Variants in ADAMTS20 observed in about 807,000 individuals in gnomAD.
ADAMTS20 encodes A disintegrin and metalloproteinase with thrombospondin motifs 20.
Under a neutral mutation model 260.1 loss-of-function variants are expected in ADAMTS20, and 225 were observed. The observed-to-expected ratio is 0.87, with a 90% CI of 0.78 to 0.97. The LOEUF (loss-of-function observed/expected upper bound fraction) is 0.97. Ranked by LOEUF, ADAMTS20 falls within the 50% of genes least tolerant of loss-of-function variation. The pLI is 0.00. For synonymous variants in ADAMTS20, 802 were observed against 769.5 expected, an observed-to-expected ratio of 1.04 and a Z score of -0.70; for missense variants, 2,400 against 2,337.7, an observed-to-expected ratio of 1.03 and a Z score of -0.55.
intron 7 of ADAMTS20, among the ~76,000 whole-genome samples, chr12:43,485,190 A>G (rs1942505077): frequency 6.6e-6 from 1 of 152,004 alleles, no homozygotes; most frequent in South Asian, 2.1e-4. Flanking sequence ...ACAAAATACT[A>G]GCAAACTGAA....
chr12:43,401,642 C>G (rs542881071), intron 28 of ADAMTS20, among the ~76,000 whole-genome samples: 117 of 151,844 alleles, frequency 7.7e-4, no homozygotes, highest in African/African-American at 2.8e-3. Context: ...TAACTTATTA[C>G]TAGTCTAATC....
chr12:43,526,758 T>C (rs1396864011), intron 3 of ADAMTS20, among the ~76,000 whole-genome samples: 1 of 152,048 alleles, frequency 6.6e-6, no homozygotes, highest in African/African-American at 2.4e-5. Flanking sequence ...GTTAACAATC[T>C]AATATACACC....
intron 18 of ADAMTS20, among the ~76,000 whole-genome samples, chr12:43,435,269 G>T (rs1941528890): frequency 1.3e-5 from 2 of 152,150 alleles, no homozygotes; most frequent in South Asian, 4.1e-4. Context: ...GAGGAGAATG[G>T]CAGAGGGAAG....
At chr12:43,543,147 A>C (rs1342437493) in intron 2 of ADAMTS20, among the ~76,000 whole-genome samples, 1 of 151,930 alleles carries the variant, frequency 6.6e-6, no homozygotes, top group South Asian at 2.1e-4. Context: ...TGAAAATTTT[A>C]AAAAAGAAAA....
intron 2 of ADAMTS20, among the ~76,000 whole-genome samples, chr12:43,538,953 C>CTTT (rs36106874): frequency 2.6e-5 from 3 of 117,554 alleles, no homozygotes; most frequent in Non-Finnish European, 3.5e-5. Context: ...TATGAACATT[C>CTTT]TTTTTTTTTT....
intron 3 of ADAMTS20, among the ~76,000 whole-genome samples, chr12:43,526,622 A>G (rs1437395151): frequency 1.3e-5 from 2 of 152,226 alleles, no homozygotes; most frequent in African/African-American, 4.8e-5. Flanking sequence ...GGAAATTCAT[A>G]AACTATTTAA....
chr12:43,377,435 G>A lies in ADAMTS20; in HGVS notation c.4925C>T (p.Ser1642Phe), dbSNP rs1326327348. 6.2e-7 allele frequency: 1 copy of A among 1,613,556 alleles called. No individual in the cohort carries two copies. Among genetic ancestry groups the A allele is most frequent in the Admixed American group, 1.7e-5 (1 of 59,936 alleles). Residue 1642 changes from serine (S) to phenylalanine (F), a missense_variant, in exon 32 of 39, where the codon TCC becomes TTC. Physicochemically the swap from Ser to Phe is radical, Grantham distance 155. Coordinates refer to ENST00000389420, the MANE Select transcript of ADAMTS20 (RefSeq NM_025003.5). ...IVYQECPVVPSSQVYQCINSC... is the reference protein window; with the variant it reads ...IVYQECPVVPFSQVYQCINSC... ...GTTAATGCATTGGTAAACCTGAGAG[G>A]AAGGCACCACAGGGCATTCTTGATA... is the stretch of plus-strand genomic sequence containing the variant.
chr12:43,440,142 T>A (rs928120552), intron 16 of ADAMTS20, 73 bp from the exon 17 acceptor site: 50 of 361,972 alleles, frequency 1.4e-4, no homozygotes, highest in Non-Finnish European at 1.7e-4. Flanking sequence ...TGTTTAACTT[T>A]TTTTTTTTTT....
chr12:43,384,400 T>A (rs1335613385), intron 29 of ADAMTS20, among the ~76,000 whole-genome samples: 2 of 152,212 alleles, frequency 1.3e-5, no homozygotes, highest in African/African-American at 4.8e-5. Context: ...GTTATATTCA[T>A]CTTTTTATCT....
intron 14 of ADAMTS20, among the ~76,000 whole-genome samples, chr12:43,449,179 G>A (rs928860977): frequency 3.3e-5 from 5 of 152,136 alleles, no homozygotes; most frequent in African/African-American, 1.2e-4. Flanking sequence ...AAAGACACAT[G>A]CAGGTGTATG....
chr12:43,492,346 C>T (rs939172385), intron 6 of ADAMTS20, among the ~76,000 whole-genome samples, 159 bp downstream of exon 6: 3 of 150,758 alleles, frequency 2.0e-5, no homozygotes, highest in African/African-American at 7.3e-5. Flanking sequence ...CGCCACTGCA[C>T]TCCACCCTGG....
Position 43,375,477 on chromosome 12 carries a change from C to CAA in ADAMTS20, c.5347_5348insTT (p.Ser1783IlefsTer14). 1.2e-6 allele frequency: 2 copies of CAA among 1,613,134 alleles called. No homozygotes were observed. Among genetic ancestry groups the CAA allele is most frequent in the Non-Finnish European group, 1.7e-6 (2 of 1,179,238 alleles). On this transcript the variant is annotated frameshift_variant, in exon 36 of 39. Transcript: ENST00000389420. LOFTEE classifies it high-confidence loss of function. ...GTCACATTCACAGTCTTCCCTTCTACTCCCATTAAAAGGACATTGATATGG... is the reference window on the plus strand; with the variant it reads ...GTCACATTCACAGTCTTCCCTTCTACAATCCCATTAAAAGGACATTGATATGG...
intron 11 of ADAMTS20, among the ~76,000 whole-genome samples, chr12:43,459,718 T>C (rs1346952131): frequency 6.6e-6 from 1 of 152,148 alleles, no homozygotes; most frequent in African/African-American, 2.4e-5. Flanking sequence ...GCAGTAAAAA[T>C]GCTTTGTGCT....
intron 28 of ADAMTS20, chr12:43,422,894 CA>C (rs1941261970): frequency 6.6e-6 from 1 of 151,654 alleles, no homozygotes; most frequent in Non-Finnish European, 1.5e-5. Context: ...AATTTACATA[CA>C]AAAAATAGCA....
At position 43,475,571 on chromosome 12, in the gene ADAMTS20, T is replaced by C. The variant is rs187653685; in HGVS notation, c.1118-6866A>G. On this transcript the variant is annotated intron_variant, in intron 7 of 38. Coordinates refer to ENST00000389420, the MANE Select transcript of ADAMTS20 (RefSeq NM_025003.5). Reference sequence around the variant, plus strand: ...CAAAAGAACAAAGCTGGAGGCATCATCACACTACCTGACTTCAAACCATAC... The same window carrying C: ...CAAAAGAACAAAGCTGGAGGCATCACCACACTACCTGACTTCAAACCATAC... Among the ~76,000 whole-genome samples the C allele has an allele frequency of 1.3e-3, 193 of 152,204 alleles. 1 individual carries two copies. The highest frequency in any genetic ancestry group is 4.5e-3 in the African/African-American group (186 of 41,516).
intron 36 of ADAMTS20, among the ~76,000 whole-genome samples, chr12:43,375,080 G>A (rs1469745810): frequency 6.7e-6 from 1 of 149,648 alleles, no homozygotes; most frequent in Non-Finnish European, 1.5e-5. Flanking sequence ...GCTGAGGCAG[G>A]AGAATCGCTT....
At chr12:43,374,623 C>T (rs1010028609) in intron 36 of ADAMTS20, among the ~76,000 whole-genome samples, 1 of 152,100 alleles carries the variant, frequency 6.6e-6, no homozygotes, top group Non-Finnish European at 1.5e-5. Context: ...ATATTACTTA[C>T]AACATTGTGA....
intron 3 of ADAMTS20, among the ~76,000 whole-genome samples, chr12:43,514,199 A>C (rs1942965034): frequency 6.7e-6 from 1 of 148,390 alleles, no homozygotes; most frequent in South Asian, 2.1e-4. Flanking sequence ...CAATCTTCCC[A>C]CCTCTGCCTC....
chr12:43,502,126 A>G, intron 4 of ADAMTS20, 26 bp downstream of exon 4: 1 of 1,510,402 alleles, frequency 6.6e-7, no homozygotes, highest in Middle Eastern at 1.9e-4. Context: ...TTTAGGAAAT[A>G]TAAAAGTCAT....
Sources: gnomAD v4.1 joint callset for allele counts (sites outside exome capture counted in the v4.1 genomes callset) on GRCh38, gnomAD v4.1.1 for gene constraint, MANE v1.5 for transcripts, NCBI Gene and HGNC (gene_info 2026-07-23, HGNC 2026-07-21) for gene names.